Variants in BBIP1 observed in about 807,000 individuals in gnomAD.
BBIP1 encodes the protein BBSome-interacting protein 1.
BBIP1 carries 6 observed loss-of-function variants against 8.9 expected under a neutral mutation model. The ratio of observed to expected loss-of-function variants is 0.67; its 90% CI spans 0.37 to 1.33. The LOEUF (loss-of-function observed/expected upper bound fraction) is 1.33, where lower values mean the gene tolerates loss of function less well. BBIP1 is among the 40% of genes most tolerant of loss of function. BBIP1 has a pLI of 0.02. For missense variants in BBIP1, 111 were observed against 109.2 expected (o/e 1.02, Z -0.07); for synonymous variants, 32 against 33.4 (o/e 0.96, Z 0.14).
intron 2 of BBIP1, among the ~76,000 whole-genome samples, chr10:110,916,291 G>A (rs952751556): frequency 1.3e-5 from 2 of 152,142 alleles, no homozygotes; most frequent in African/African-American, 4.8e-5. Context: ...GCTCCCTTAT[G>A]TGCAGTTTTT....
chr10:110,903,613 GGAA>G (rs1394107364), intron 2 of BBIP1: 1 of 152,266 alleles, frequency 6.6e-6, no homozygotes, highest in African/African-American at 2.4e-5. Flanking sequence ...GTCCAGAGTA[GGAA>G]GGAGTACAGT....
chr10:110,912,770 C>T (rs989808054), intron 2 of BBIP1, among the ~76,000 whole-genome samples: 1 of 152,002 alleles, frequency 6.6e-6, no homozygotes, highest in East Asian at 1.9e-4. Flanking sequence ...CCCAAGGAGC[C>T]GTTCCATGGG....
intron 2 of BBIP1, chr10:110,910,483 A>G (rs1380877129): frequency 6.6e-6 from 1 of 152,194 alleles, no homozygotes; most frequent in Non-Finnish European, 1.5e-5. Context: ...ATTCTAGACA[A>G]AATAAAGGAA....
At chr10:110,913,591 A>G (rs1196733647) in intron 2 of BBIP1, among the ~76,000 whole-genome samples, 1 of 152,246 alleles carries the variant, frequency 6.6e-6, no homozygotes, top group African/African-American at 2.4e-5. Context: ...AATGTGAACA[A>G]ACTTTTAAAA....
chr10:110,900,717 T>C (rs377340375), intron 3 of BBIP1, 191 bp from the exon 4 acceptor site: 12 of 517,752 alleles, frequency 2.3e-5, no homozygotes, highest in African/African-American at 2.2e-4. Context: ...ACTAGTAGGG[T>C]GCTTCTGAGG....
Position 110,900,456 on chromosome 10 carries a change from CAG to C in BBIP1, c.181_182del (p.Leu61AspfsTer36), listed in dbSNP as rs1026036041. 9 of 1,535,656 alleles carry C rather than the reference CAG, an allele frequency of 5.9e-6. No individual in the cohort carries two copies. The highest frequency in any genetic ancestry group is 7.8e-6 in the Non-Finnish European group (9 of 1,146,750). ...CKPKLLPLKS[L>X]TLEKLEKMHQ... The stretch of plus-strand genomic sequence containing the variant: ...GCATTTTCTCTAGTTTTTCCAGAGT[CAG>C]AGATTTTAAGGGTAAAAGTTTGGGT... On this transcript the variant is annotated frameshift_variant, in exon 4 of 4. Transcript: ENST00000448814. LOFTEE classifies it high-confidence loss of function.
intron 1 of BBIP1, 173 bp downstream of exon 1, chr10:110,918,948 C>T (rs1008834687): frequency 6.6e-6 from 1 of 152,428 alleles, no homozygotes; most frequent in Admixed American, 6.5e-5. Context: ...CCAAATGCAA[C>T]TTCCGGGCAG....
At chr10:110,911,917 G>A (rs1846287611) in intron 2 of BBIP1, 1 of 152,130 alleles carries the variant, frequency 6.6e-6, no homozygotes, top group Non-Finnish European at 1.5e-5. Context: ...GCCAACAAAG[G>A]CTGAAGTAAC....
rs1379939259 is a variant in BBIP1, at chr10:110,899,453, A to G, written c.*907T>C. The G allele has an allele frequency of 6.6e-6, 1 of 152,204 alleles. No individual in the cohort carries two copies. Among genetic ancestry groups the G allele is most frequent in the Non-Finnish European group, 1.5e-5 (1 of 68,028 alleles). 9.4% of individuals were successfully genotyped at this position (152,204 alleles called of 1,614,324 possible). ...ATTTTATTCTCAAGTGCTTAAAATT[A>G]ATGTAATTAAAAGCTTAGCTGACTA... is the stretch of plus-strand genomic sequence containing the variant. On this transcript the variant is annotated 3_prime_UTR_variant, in exon 4 of 4. Coordinates refer to ENST00000448814, the MANE Select transcript of BBIP1 (RefSeq NM_001195305.3).
intron 2 of BBIP1, chr10:110,902,578 T>C (rs1364864001): frequency 1.3e-5 from 2 of 152,250 alleles, no homozygotes; most frequent in Admixed American, 1.3e-4. Context: ...CAAGTGAAGC[T>C]TCTTCTGGTT....
At chr10:110,907,701 C>G in intron 2 of BBIP1, 1 of 698,266 alleles carries the variant, frequency 1.4e-6, no homozygotes, top group Non-Finnish European at 2.6e-6. Flanking sequence ...GTATACCCCT[C>G]CGATTGTCTT....
At chr10:110,901,356 A>G (rs920400744) in intron 3 of BBIP1, 182 bp downstream of exon 3, 4 of 584,756 alleles carry the variant, frequency 6.8e-6, no homozygotes, top group East Asian at 5.7e-5. Context: ...ATAAGAAACA[A>G]TGTTTCATTT....
Position 110,900,544 on chromosome 10 carries a change from T to C in BBIP1, c.113-18A>G. ...CAGTGGCCCTAAGTTTAACAAGAAATAAGAATTAATTCAAGAAAGATAACC... is the reference window on the plus strand; with the variant it reads ...CAGTGGCCCTAAGTTTAACAAGAAACAAGAATTAATTCAAGAAAGATAACC... On this transcript the variant is annotated intron_variant, in intron 3 of 3. Coordinates refer to ENST00000448814, the MANE Select transcript of BBIP1 (RefSeq NM_001195305.3). 6.7e-7 allele frequency: 1 copy of C among 1,503,460 alleles called. No homozygotes were observed. Among genetic ancestry groups the C allele is most frequent in the Middle Eastern group, 1.7e-4 (1 of 5,842 alleles). 93.1% of individuals were successfully genotyped at this position (1,503,460 alleles called of 1,614,324 possible).
chr10:110,912,600 C>T (rs1179009275), intron 2 of BBIP1, among the ~76,000 whole-genome samples: 3 of 152,164 alleles, frequency 2.0e-5, no homozygotes, highest in South Asian at 2.1e-4. Context: ...TTACTCATAA[C>T]GTATACATAT....
At chr10:110,911,033 G>A (rs937614079) in intron 2 of BBIP1, 5 of 152,114 alleles carry the variant, frequency 3.3e-5, no homozygotes, top group African/African-American at 1.2e-4. Context: ...CTGAGCCTTC[G>A]TTTCAACTGC....
At chr10:110,918,323 C>T in intron 1 of BBIP1, 110 bp from the exon 2 acceptor site, 1 of 612,018 alleles carries the variant, frequency 1.6e-6, no homozygotes, top group Non-Finnish European at 2.9e-6. Context: ...AGGAATCCCA[C>T]CACCAGAACC....
In BBIP1 at chr10:110,899,966, CTTCAAA is replaced by C. The variant is rs764810501; in HGVS notation, c.*388_*393del. On this transcript the variant is annotated 3_prime_UTR_variant, in exon 4 of 4. Transcript: ENST00000448814. The stretch of plus-strand genomic sequence containing the variant: ...CACTTTATGCAAGATTGGAATGTAT[CTTCAAA>C]TTCAGATTTAATAAACATGTAAAGA... The C allele has an allele frequency of 2.7e-4, 43 of 159,936 alleles. No individual in the cohort carries two copies. The highest frequency in any genetic ancestry group is 3.1e-3 in the Middle Eastern group (1 of 318). 9.9% of individuals were successfully genotyped at this position (159,936 alleles called of 1,614,324 possible).
chr10:110,900,479 T>G lies in BBIP1; in HGVS notation c.160A>C (p.Lys54Gln), dbSNP rs774089309. The G allele has an allele frequency of 8.5e-6, 13 of 1,535,840 alleles. No individual in the cohort carries two copies. The South Asian group carries it at 1.5e-4, about 18-fold the overall frequency. Residue 54 changes from lysine to glutamine, a missense_variant, in exon 4 of 4, where the codon AAA (lysine) becomes CAA (glutamine). By Grantham distance (53) the Lys-to-Gln change is moderately conservative (BLOSUM62 1). Transcript: ENST00000448814. Reference sequence around the variant, plus strand: ...GTCAGAGATTTTAAGGGTAAAAGTTTGGGTTTACACAGCACCATTGTCATT... The same window carrying G: ...GTCAGAGATTTTAAGGGTAAAAGTTGGGGTTTACACAGCACCATTGTCATT... ...DIMTMVLCKPKLLPLKSLTLE... is the reference protein window; with the variant it reads ...DIMTMVLCKPQLLPLKSLTLE...
chr10:110,907,538 AAAG>A (rs1564692133), intron 2 of BBIP1: 2 of 495,816 alleles, frequency 4.0e-6, no homozygotes, highest in South Asian at 3.4e-5. Flanking sequence ...AAAGAAAAGA[AAAG>A]AAAGAAAAAT....
Sources: gnomAD v4.1 joint callset for allele counts (sites outside exome capture counted in the v4.1 genomes callset) on GRCh38, gnomAD v4.1.1 for gene constraint, MANE v1.5 for transcripts, NCBI Gene and HGNC (gene_info 2026-07-23, HGNC 2026-07-21) for gene names.